Variants in ZNF469 observed in about 807,000 individuals in gnomAD.
The protein encoded by ZNF469 is zinc finger protein 469.
In ZNF469, 1 loss-of-function variant was observed where a neutral mutation model predicts 1.0. The ratio of observed to expected loss-of-function variants is 1.00; its 90% CI spans 0.35 to 4.73. The LOEUF (loss-of-function observed/expected upper bound fraction) is 4.73, where lower values mean the gene tolerates loss of function less well. Among genes scored for constraint, ZNF469 ranks in the 30% most tolerant of loss-of-function variants. The probability of loss-of-function intolerance (pLI) is 0.16; values close to 1 mark genes in which losing one functional copy is unlikely to be tolerated. For missense variants in ZNF469, 6,100 were observed against 5,356.3 expected, an observed-to-expected ratio of 1.14 and a Z score of -4.33; for synonymous variants, 2,703 against 2,363.4, an observed-to-expected ratio of 1.14 and a Z score of -4.17.
At chr16:88,126,801 G>A in the ZNF469 span, among the ~76,000 whole-genome samples, 3 of 144,950 alleles carry the variant, frequency 2.1e-5, no homozygotes, top group African/African-American at 7.8e-5. Flanking sequence ...TTATAGGCAT[G>A]CACCACCATA....
chr16:88,351,030 C>T, the ZNF469 span, among the ~76,000 whole-genome samples: 2 of 152,236 alleles, frequency 1.3e-5, no homozygotes, highest in African/African-American at 4.8e-5. Context: ...AGGCGACCTG[C>T]CGCGCTCCCC....
the ZNF469 span, among the ~76,000 whole-genome samples, chr16:88,319,659 C>G: frequency 6.6e-6 from 1 of 152,134 alleles, no homozygotes; most frequent in African/African-American, 2.4e-5. Flanking sequence ...TTCCAGCCCT[C>G]CCTAGGAAGC....
the ZNF469 span, among the ~76,000 whole-genome samples, chr16:88,103,327 T>TG: frequency 6.6e-6 from 1 of 152,242 alleles, no homozygotes; most frequent in Non-Finnish European, 1.5e-5. Flanking sequence ...TCTCAAAGGC[T>TG]GGGCACTGGA....
At chr16:88,133,055 A>G in the ZNF469 span, among the ~76,000 whole-genome samples, 208 of 152,328 alleles carry the variant, frequency 1.4e-3, no homozygotes, top group African/African-American at 4.2e-3. Context: ...CACCACACAC[A>G]GGTTGGGGGC....
In ZNF469 at chr16:88,430,365, G is replaced by A; in HGVS notation, c.2895G>A (p.Glu965=). ...RKDLDSGGAA[E]GSGSGGGGRA... ...ATCTGGACTCGGGCGGCGCAGCAGA[G>A]GGGTCGGGGTCGGGCGGCGGCGGCA... Residue 965 remains glutamate, a synonymous_variant, in exon 3 of 3, where the codon GAG becomes GAA. Coordinates refer to ENST00000565624, the MANE Select transcript of ZNF469 (RefSeq NM_001367624.2). 1.3e-6 allele frequency: 2 copies of A among 1,509,528 alleles called. No individual in the cohort carries two copies. The highest frequency in any genetic ancestry group is 2.5e-5 in the East Asian group (1 of 40,452). 93.5% of individuals were successfully genotyped at this position (1,509,528 alleles called of 1,614,324 possible).
chr16:88,185,743 C>G, the ZNF469 span, among the ~76,000 whole-genome samples: 2 of 115,468 alleles, frequency 1.7e-5, no homozygotes, highest in Non-Finnish European at 3.4e-5. Context: ...CGCATACACA[C>G]TCGTGTGCCC....
At chr16:88,400,618 C>T (rs1010087781) in intron 1 of ZNF469, among the ~76,000 whole-genome samples, 14 of 152,156 alleles carry the variant, frequency 9.2e-5, no homozygotes, top group Non-Finnish European at 1.8e-4. Flanking sequence ...AACAGAGCAG[C>T]AGCAACAGCT....
At chr16:88,256,899 T>TTTCC in the ZNF469 span, among the ~76,000 whole-genome samples, 1 of 13,238 alleles carries the variant, frequency 7.6e-5, no homozygotes, top group African/African-American at 3.2e-4. Context: ...TCTTTCCTTC[T>TTTCC]TTCTTTCTTT....
At chr16:88,397,600 G>A (rs928873623) in intron 1 of ZNF469, among the ~76,000 whole-genome samples, 1 of 150,816 alleles carries the variant, frequency 6.6e-6, no homozygotes. Context: ...GTGTATATAT[G>A]TGTGATGGAT....
chr16:88,103,296 A>C, the ZNF469 span, among the ~76,000 whole-genome samples: 1 of 152,252 alleles, frequency 6.6e-6, no homozygotes, highest in Admixed American at 6.5e-5. Context: ...TTGTCCCCAC[A>C]GCAGTCCACG....
At chr16:88,210,188 T>C in the ZNF469 span, among the ~76,000 whole-genome samples, 1 of 152,124 alleles carries the variant, frequency 6.6e-6, no homozygotes, top group Non-Finnish European at 1.5e-5. Context: ...TTTATAAACA[T>C]TTTTGGTAAA....
chr16:88,229,368 C>T, the ZNF469 span, among the ~76,000 whole-genome samples: 1 of 152,206 alleles, frequency 6.6e-6, no homozygotes, highest in South Asian at 2.1e-4. Flanking sequence ...TCCTGCTTCT[C>T]GGGCACACCA....
the ZNF469 span, among the ~76,000 whole-genome samples, chr16:88,269,623 G>A: frequency 6.6e-6 from 1 of 152,010 alleles, no homozygotes; most frequent in African/African-American, 2.4e-5. Context: ...TGTCTGTGTG[G>A]CATCCTCCCA....
chr16:88,432,334 T>C lies in ZNF469; in HGVS notation c.4864T>C (p.Phe1622Leu), dbSNP rs1906256483. The C allele has an allele frequency of 1.9e-6, 3 of 1,548,128 alleles. No homozygotes were observed. The highest frequency in any genetic ancestry group is 2.7e-5 in the African/African-American group (2 of 73,024). Residue 1622 changes from phenylalanine to leucine, a missense_variant, in exon 3 of 3, where the codon TTC becomes CTC. Transcript: ENST00000565624. ...CQATVPHEDT[F>L]SAADLTRVGE... ...GGCCACCGTGCCCCACGAGGACACG[T>C]TCTCGGCAGCTGACCTCACGCGCGT...
the ZNF469 span, among the ~76,000 whole-genome samples, chr16:88,173,877 C>A: frequency 6.6e-6 from 1 of 151,190 alleles, no homozygotes; most frequent in East Asian, 1.9e-4. Flanking sequence ...AAAAGAGAAT[C>A]ATTAAAAATA....
At chr16:88,165,027 C>T in the ZNF469 span, among the ~76,000 whole-genome samples, 18 of 152,200 alleles carry the variant, frequency 1.2e-4, no homozygotes, top group African/African-American at 4.3e-4. Context: ...GGTGGTGTGC[C>T]CCTCCATGCC....
chr16:88,120,559 G>A, the ZNF469 span, among the ~76,000 whole-genome samples: 1 of 152,220 alleles, frequency 6.6e-6, no homozygotes, highest in African/African-American at 2.4e-5. Context: ...GACCCGCAGC[G>A]TGAGCTCCAC....
the ZNF469 span, among the ~76,000 whole-genome samples, chr16:88,251,995 G>A: frequency 1.3e-5 from 2 of 150,682 alleles, no homozygotes; most frequent in Non-Finnish European, 3.0e-5. Flanking sequence ...CGGTGTCTCA[G>A]TGGCTTCCTT....
At chr16:88,108,785 C>G in the ZNF469 span, among the ~76,000 whole-genome samples, 9 of 152,234 alleles carry the variant, frequency 5.9e-5, no homozygotes, top group African/African-American at 2.2e-4. Flanking sequence ...TTCTTGCCCT[C>G]ACTCCCCAAG....
Sources: allele counts gnomAD v4.1 joint callset (sites outside exome capture counted in the v4.1 genomes callset), GRCh38; gene constraint gnomAD v4.1.1; transcripts MANE v1.5; gene names NCBI Gene and HGNC (gene_info 2026-07-23, HGNC 2026-07-21).